The following GALNTL6 variants were observed in gnomAD, a reference collection of about 807,000 sequenced individuals.
The protein encoded by GALNTL6 is polypeptide N-acetylgalactosaminyltransferase like 6.
GALNTL6 carries 46 observed loss-of-function variants against 73.7 expected under a neutral mutation model. That is an observed-to-expected ratio of 0.62 (90% confidence interval 0.49 to 0.80). The LOEUF is 0.80. Among genes scored for constraint, GALNTL6 ranks in the 30% least tolerant of loss-of-function variants. The pLI, the probability that GALNTL6 is intolerant of heterozygous loss-of-function variation, is 0.00. For missense variants in GALNTL6, 604 were observed against 755.0 expected (o/e 0.80, Z 2.34); for synonymous variants, 259 against 263.7 (o/e 0.98, Z 0.17).
chr4:172,093,735 C>T (rs985005651), intron 2 of GALNTL6, among the ~76,000 whole-genome samples: 1 of 152,148 alleles, frequency 6.6e-6, no homozygotes, highest in African/African-American at 2.4e-5. Context: ...TTAGCTTGCA[C>T]TCTCCTTGTG....
At chr4:172,106,699 T>A (rs1208045658) in intron 2 of GALNTL6, among the ~76,000 whole-genome samples, 1 of 152,118 alleles carries the variant, frequency 6.6e-6, no homozygotes, top group Non-Finnish European at 1.5e-5. Flanking sequence ...ATTGGAGCAG[T>A]ACAGTTAAAT....
At chr4:172,678,008 A>G (rs541859935) in intron 5 of GALNTL6, among the ~76,000 whole-genome samples, 1 of 149,140 alleles carries the variant, frequency 6.7e-6, no homozygotes, top group African/African-American at 2.4e-5. Flanking sequence ...AGAGTCATGC[A>G]TGGTCAGTTG....
chr4:172,913,220 A>G, intron 8 of GALNTL6, among the ~76,000 whole-genome samples: 1 of 152,206 alleles, frequency 6.6e-6, no homozygotes, highest in Non-Finnish European at 1.5e-5. Context: ...ATCCACACCA[A>G]AATCCCATCT....
intron 2 of GALNTL6, among the ~76,000 whole-genome samples, chr4:172,115,641 A>G (rs1732965895): frequency 1.3e-5 from 2 of 152,166 alleles, no homozygotes; most frequent in Non-Finnish European, 2.9e-5. Context: ...TTGTTAGAAC[A>G]GAGCCACTAT....
chr4:172,935,501 T>G (rs575742317), intron 9 of GALNTL6, among the ~76,000 whole-genome samples: 1 of 152,030 alleles, frequency 6.6e-6, no homozygotes, highest in Non-Finnish European at 1.5e-5. Context: ...GAGCTGGTTT[T>G]TTGAAAAGAT....
intron 2 of GALNTL6, among the ~76,000 whole-genome samples, chr4:172,183,651 A>G (rs1231160842): frequency 2.6e-5 from 4 of 152,202 alleles, no homozygotes; most frequent in Non-Finnish European, 4.4e-5. Context: ...CTAGCCTTTG[A>G]TTAAATCCCA....
At chr4:172,275,093 T>C (rs1331302061) in intron 3 of GALNTL6, among the ~76,000 whole-genome samples, 2 of 152,214 alleles carry the variant, frequency 1.3e-5, no homozygotes, top group Admixed American at 1.3e-4. Context: ...CTGAGGAATA[T>C]AGTTAGACTG....
chr4:171,881,846 A>G (rs879943301), intron 2 of GALNTL6, among the ~76,000 whole-genome samples: 1 of 152,200 alleles, frequency 6.6e-6, no homozygotes, highest in Admixed American at 6.5e-5. Flanking sequence ...AGGAATCTTA[A>G]TTAAGGCAAA....
chr4:171,999,059 CT>C (rs1740588958), intron 2 of GALNTL6, among the ~76,000 whole-genome samples: 4 of 152,264 alleles, frequency 2.6e-5, no homozygotes, highest in Admixed American at 2.6e-4. Context: ...CAGGAAACGT[CT>C]TTTGGTATTT....
chr4:172,325,220 A>G lies in GALNTL6; in HGVS notation c.386+13468A>G, dbSNP rs1740901575. Among the ~76,000 whole-genome samples the G allele has an allele frequency of 2.6e-5, 4 of 152,096 alleles. No homozygotes were observed. The South Asian group carries it at 8.3e-4, about 31-fold the overall frequency. On this transcript the variant is annotated intron_variant, in intron 4 of 12. Transcript: ENST00000506823. ...GGAATATTATAACCATCATGCCAAT[A>G]TATTTGACACTTAGATAAAATATAA...
At chr4:172,369,196 C>T (rs1453337524) in intron 5 of GALNTL6, among the ~76,000 whole-genome samples, 1 of 152,150 alleles carries the variant, frequency 6.6e-6, no homozygotes, top group Admixed American at 6.5e-5. Flanking sequence ...CATTTACAAT[C>T]CTTGAGCTAG....
intron 12 of GALNTL6, among the ~76,000 whole-genome samples, chr4:173,032,017 T>C (rs17059107): frequency 0.35 from 53,516 of 152,108 alleles, 9,921 homozygotes; most frequent in African/African-American, 0.44. Context: ...CACAGACATC[T>C]GGATCAACTT....
At chr4:172,927,482 C>G (rs1228250993) in intron 8 of GALNTL6, among the ~76,000 whole-genome samples, 3 of 151,900 alleles carry the variant, frequency 2.0e-5, no homozygotes, top group Non-Finnish European at 2.9e-5. Flanking sequence ...AAGCTTAGCA[C>G]CATAAAGCAA....
intron 8 of GALNTL6, among the ~76,000 whole-genome samples, chr4:172,886,495 G>A (rs1262847363): frequency 1.3e-5 from 2 of 152,070 alleles, no homozygotes; most frequent in East Asian, 3.9e-4. Flanking sequence ...GCTGGACGCG[G>A]TGGCTCACGA....
At chr4:172,592,396 C>A (rs1737672394) in intron 5 of GALNTL6, among the ~76,000 whole-genome samples, 1 of 152,150 alleles carries the variant, frequency 6.6e-6, no homozygotes. Context: ...ATCTCCCACT[C>A]TCCCACTAGG....
In GALNTL6 at chr4:172,334,816, A is replaced by G. The variant is rs56706381; in HGVS notation, c.387-13707A>G. 3.7e-3 allele frequency among the ~76,000 whole-genome samples: 560 copies of G among 152,282 alleles called. 2 individuals carry two copies. Among genetic ancestry groups the G allele is most frequent in the African/African-American group, 0.012 (515 of 41,558 alleles). ...TGTCTTTTTCCTGTTCTTAAGAGGA[A>G]TGCTTCTAGCTTTTGCCCATTCAGT... On this transcript the variant is annotated intron_variant, in intron 4 of 12. Transcript: ENST00000506823.
At chr4:172,081,221 TC>T (rs1731869935) in intron 2 of GALNTL6, among the ~76,000 whole-genome samples, 1 of 152,224 alleles carries the variant, frequency 6.6e-6, no homozygotes, top group Non-Finnish European at 1.5e-5. Flanking sequence ...TTATCTTCAA[TC>T]TGTATTCATG....
intron 5 of GALNTL6, among the ~76,000 whole-genome samples, chr4:172,569,689 A>T (rs1189398452): frequency 6.6e-6 from 1 of 152,194 alleles, no homozygotes; most frequent in African/African-American, 2.4e-5. Flanking sequence ...GAAGTCATAA[A>T]GGGAAAAAAA....
At chr4:172,396,061 C>A (rs1311791684) in intron 5 of GALNTL6, among the ~76,000 whole-genome samples, 1 of 152,064 alleles carries the variant, frequency 6.6e-6, no homozygotes, top group Non-Finnish European at 1.5e-5. Flanking sequence ...CTCCAGCATA[C>A]CCACATTTTG....
Sources: gnomAD v4.1 joint callset for allele counts (sites outside exome capture counted in the v4.1 genomes callset) on GRCh38, gnomAD v4.1.1 for gene constraint, MANE v1.5 for transcripts, NCBI Gene and HGNC (gene_info 2026-07-23, HGNC 2026-07-21) for gene names.